The following PEBP4 variants were observed in gnomAD, a reference collection of about 807,000 sequenced individuals.
PEBP4 encodes the protein phosphatidylethanolamine binding protein 4, also known as phosphatidylethanolamine-binding protein 4.
A neutral mutation model predicts 23.9 loss-of-function variants in PEBP4; 22 were observed. The ratio of observed to expected loss-of-function variants is 0.92; its 90% CI spans 0.66 to 1.31. PEBP4 has a LOEUF of 1.31. Ranked by LOEUF, PEBP4 falls within the 40% of genes most tolerant of loss-of-function variation. The pLI, the probability that PEBP4 is intolerant of heterozygous loss-of-function variation, is 0.00. For synonymous variants in PEBP4, 112 were observed against 99.3 expected, an observed-to-expected ratio of 1.13 and a Z score of -0.76; for missense variants, 324 against 281.7, an observed-to-expected ratio of 1.15 and a Z score of -1.07.
intron 4 of PEBP4, among the ~76,000 whole-genome samples, chr8:22,762,840 C>T (rs1805537924): frequency 6.6e-6 from 1 of 152,140 alleles, no homozygotes; most frequent in African/African-American, 2.4e-5. Flanking sequence ...CTATGCATGT[C>T]CCCTAACATC....
chr8:22,812,996 G>A (rs760549271), intron 4 of PEBP4, among the ~76,000 whole-genome samples: 10 of 152,132 alleles, frequency 6.6e-5, no homozygotes, highest in Non-Finnish European at 1.0e-4. Context: ...CAGTGGAACC[G>A]ATCACTCAAG....
At chr8:22,805,288 T>C (rs1806472086) in intron 4 of PEBP4, among the ~76,000 whole-genome samples, 1 of 152,194 alleles carries the variant, frequency 6.6e-6, no homozygotes, top group South Asian at 2.1e-4. Flanking sequence ...CTTTGGGTGA[T>C]AAAGATGTAG....
At chr8:22,812,175 A>G (rs1435401700) in intron 4 of PEBP4, among the ~76,000 whole-genome samples, 1 of 152,180 alleles carries the variant, frequency 6.6e-6, no homozygotes, top group African/African-American at 2.4e-5. Flanking sequence ...GAGAGGTCAA[A>G]CAACTCGCTC....
chr8:22,721,655 C>A (rs1396668738), intron 6 of PEBP4, among the ~76,000 whole-genome samples: 3 of 152,106 alleles, frequency 2.0e-5, no homozygotes, highest in African/African-American at 7.2e-5. Flanking sequence ...GAAGCTTTTC[C>A]TGCCTGTTCA....
chr8:22,899,524 A>G (rs1484605136), intron 3 of PEBP4, among the ~76,000 whole-genome samples: 1 of 152,312 alleles, frequency 6.6e-6, no homozygotes, highest in East Asian at 1.9e-4. Flanking sequence ...GAGGTTCTTT[A>G]GGTGCACCCT....
intron 4 of PEBP4, among the ~76,000 whole-genome samples, chr8:22,761,379 T>A (rs1805504500): frequency 6.7e-6 from 1 of 149,286 alleles, no homozygotes; most frequent in Admixed American, 6.7e-5. Context: ...GCTCCTGACA[T>A]GGCGAGGGGA....
intron 3 of PEBP4, among the ~76,000 whole-genome samples, chr8:22,822,356 TG>T (rs969301197): frequency 8.6e-5 from 12 of 139,282 alleles, no homozygotes; most frequent in Admixed American, 8.4e-4. Context: ...TATACTAAAG[TG>T]TGTGTGTGTG....
intron 3 of PEBP4, among the ~76,000 whole-genome samples, chr8:22,858,106 G>A (rs941395943): frequency 2.0e-5 from 3 of 152,144 alleles, no homozygotes; most frequent in Admixed American, 6.5e-5. Flanking sequence ...TAACTAAGGC[G>A]GGGTCCTCTC....
chr8:22,816,255 C>T lies in PEBP4; in HGVS notation c.357+1382G>A, dbSNP rs377563754. 4.6e-5 allele frequency among the ~76,000 whole-genome samples: 7 copies of T among 152,324 alleles called. No individual in the cohort carries two copies. The East Asian group carries it at 1.4e-3, about 29-fold the overall frequency. On this transcript the variant is annotated intron_variant, in intron 4 of 6. Transcript: ENST00000256404. ...GTAACAGAGGTGGCTCCAGCACTGC[C>T]CACGAAGCTGCTGCTTGGGTCTCCC...
rs1007887055 is a variant in PEBP4 at position 22,761,149 on chromosome 8, G to A, written c.358-33929C>T. ...TGGAGCCTCCCCAGCAAGCACAGGT[G>A]GGCTGTGAGGTCATGCTTCTCAGAC... is the stretch of plus-strand genomic sequence containing the variant. On this transcript the variant is annotated intron_variant, in intron 4 of 6. Coordinates refer to ENST00000256404, the MANE Select transcript of PEBP4 (RefSeq NM_144962.3). Among the ~76,000 whole-genome samples the A allele has an allele frequency of 3.4e-4, 51 of 152,172 alleles. 1 individual carries two copies. Among genetic ancestry groups the A allele is most frequent in the Admixed American group, 3.2e-3 (49 of 15,278 alleles).
At chr8:22,914,632 G>A (rs138401543) in intron 3 of PEBP4, among the ~76,000 whole-genome samples, 9 of 152,236 alleles carry the variant, frequency 5.9e-5, no homozygotes, top group South Asian at 2.1e-4. Context: ...GAGCCTACCC[G>A]CAGGTAAACC....
At chr8:22,860,259 G>T (rs1315209343) in intron 3 of PEBP4, among the ~76,000 whole-genome samples, 1 of 132,510 alleles carries the variant, frequency 7.5e-6, no homozygotes, top group Non-Finnish European at 1.7e-5. Context: ...CATGCAATTT[G>T]CCATCCTAAC....
intron 5 of PEBP4, among the ~76,000 whole-genome samples, chr8:22,726,121 T>C (rs1400898246): frequency 6.6e-6 from 1 of 152,092 alleles, no homozygotes. Context: ...TGGGTGTGTG[T>C]ACATGAACAG....
chr8:22,788,452 A>G (rs1023678652), intron 4 of PEBP4, among the ~76,000 whole-genome samples: 5 of 152,182 alleles, frequency 3.3e-5, no homozygotes, highest in Non-Finnish European at 5.9e-5. Context: ...GCCCTGAGTT[A>G]TGGCAGTGGG....
chr8:22,779,275 T>A (rs1805872223), intron 4 of PEBP4, among the ~76,000 whole-genome samples: 1 of 152,178 alleles, frequency 6.6e-6, no homozygotes, highest in Non-Finnish European at 1.5e-5. Flanking sequence ...AAACCTCTGA[T>A]GTACCAGGCA....
chr8:22,792,556 A>C (rs1158580746), intron 4 of PEBP4, among the ~76,000 whole-genome samples: 1 of 152,040 alleles, frequency 6.6e-6, no homozygotes, highest in Non-Finnish European at 1.5e-5. Context: ...GTCATAACCA[A>C]AGATGCCCTC....
At chr8:22,753,036 T>C (rs1004821979) in intron 4 of PEBP4, among the ~76,000 whole-genome samples, 5 of 152,194 alleles carry the variant, frequency 3.3e-5, no homozygotes, top group African/African-American at 4.8e-5. Flanking sequence ...GTTAATCAGA[T>C]TCCTCACTTG....
At chr8:22,771,709 T>G (rs1805720576) in intron 4 of PEBP4, among the ~76,000 whole-genome samples, 1 of 152,164 alleles carries the variant, frequency 6.6e-6, no homozygotes, top group South Asian at 2.1e-4. Flanking sequence ...CTGCTTTCCA[T>G]AAGACATGCC....
intron 1 of PEBP4, among the ~76,000 whole-genome samples, chr8:22,936,014 T>A (rs1266399691): frequency 3.5e-5 from 4 of 113,562 alleles, no homozygotes; most frequent in South Asian, 5.2e-4. Flanking sequence ...CTTAAGGAGC[T>A]AGGGAAAAAA....
Sources: allele counts gnomAD v4.1 joint callset (sites outside exome capture counted in the v4.1 genomes callset), GRCh38; gene constraint gnomAD v4.1.1; transcripts MANE v1.5; gene names NCBI Gene and HGNC (gene_info 2026-07-23, HGNC 2026-07-21).